AGMO: variants seen among roughly 807,000 people sequenced by gnomAD.
AGMO encodes glyceryl-ether monooxygenase.
AGMO carries 75 observed loss-of-function variants against 60.2 expected under a neutral mutation model. The ratio of observed to expected loss-of-function variants is 1.25; its 90% CI spans 1.03 to 1.51. AGMO has a LOEUF of 1.51. Ranked by LOEUF, AGMO falls within the 40% of genes most tolerant of loss-of-function variation. AGMO has a pLI of 0.00. For missense variants in AGMO, 763 were observed against 525.5 expected (o/e 1.45, Z -4.42); for synonymous variants, 261 against 177.1 (o/e 1.47, Z -3.76).
At position 15,365,537 on chromosome 7, in the gene AGMO, G is replaced by T. The variant is rs369283425; in HGVS notation, c.1240C>A (p.Pro414Thr). ...ACCTCAAAAGCAGATGACAATGAAGGGACAAGAGGCTTCAGGTGACCAAAT... is the reference window on the plus strand; with the variant it reads ...ACCTCAAAAGCAGATGACAATGAAGTGACAAGAGGCTTCAGGTGACCAAAT... ...YRFGHLKPLVPSLSSAFEIVF... is the reference protein window; with the variant it reads ...YRFGHLKPLVTSLSSAFEIVF... The change falls in exon 12 of 13, where the codon CCT (proline) becomes ACT (threonine). Residue 414 changes from proline to threonine, a missense_variant. Transcript: ENST00000342526. 1 of 1,612,472 alleles carries T rather than the reference G, an allele frequency of 6.2e-7. No homozygotes were observed. The highest frequency in any genetic ancestry group is 1.1e-5 in the South Asian group (1 of 90,980).
the AGMO span, among the ~76,000 whole-genome samples, chr7:15,124,559 G>A: frequency 6.6e-6 from 1 of 151,976 alleles, no homozygotes. Flanking sequence ...ATATTCTCCT[G>A]TTGAAAATAT....
At chr7:15,285,360 G>C (rs1031995213) in intron 12 of AGMO, among the ~76,000 whole-genome samples, 1 of 151,790 alleles carries the variant, frequency 6.6e-6, no homozygotes. Context: ...TACTAGATTT[G>C]ATAAATTCAG....
At chr7:15,482,515 G>C (rs1056372007) in intron 3 of AGMO, among the ~76,000 whole-genome samples, 3 of 151,950 alleles carry the variant, frequency 2.0e-5, no homozygotes, top group African/African-American at 7.2e-5. Flanking sequence ...TTAGAAATCA[G>C]CCCCATACTA....
Position 15,307,287 on chromosome 7 carries a change from C to CAA in AGMO, c.1263+58226_1263+58227insTT, listed in dbSNP as rs1417156591. Among the ~76,000 whole-genome samples the CAA allele has an allele frequency of 7.3e-3, 1,108 of 152,026 alleles. 7 individuals carry two copies. Among genetic ancestry groups the CAA allele is most frequent in the African/African-American group, 0.025 (1,039 of 41,492 alleles). On this transcript the variant is annotated intron_variant, in intron 12 of 12. Coordinates refer to ENST00000342526, the MANE Select transcript of AGMO (RefSeq NM_001004320.2). ...ATGACTTGTCTTCAAAAGCCAAGCC[C>CAA]ATCTATTTGGAAGAAACCTTGAATC...
intron 9 of AGMO, among the ~76,000 whole-genome samples, chr7:15,386,902 T>G (rs1005388010): frequency 6.6e-6 from 1 of 152,216 alleles, no homozygotes; most frequent in East Asian, 1.9e-4. Context: ...CAATGTGGTT[T>G]CTGCATTTAA....
intron 12 of AGMO, among the ~76,000 whole-genome samples, chr7:15,280,344 C>T (rs1274183990): frequency 6.6e-6 from 1 of 152,090 alleles, no homozygotes; most frequent in Admixed American, 6.5e-5. Flanking sequence ...ACTCCCTGTG[C>T]CAACACTTCT....
intron 12 of AGMO, among the ~76,000 whole-genome samples, chr7:15,347,574 A>G (rs1782078183): frequency 6.6e-6 from 1 of 151,436 alleles, no homozygotes; most frequent in South Asian, 2.1e-4. Context: ...AAGATAATTC[A>G]TGACTCAAAA....
chr7:15,429,601 T>C (rs963565306), intron 4 of AGMO, among the ~76,000 whole-genome samples: 1 of 152,018 alleles, frequency 6.6e-6, no homozygotes, highest in Non-Finnish European at 1.5e-5. Flanking sequence ...TATCTTCTTA[T>C]GGCAGCTCTA....
chr7:15,352,602 GGGAGCATCTGGAACCAGACATTCT>G (rs1295664406), intron 12 of AGMO, among the ~76,000 whole-genome samples: 3 of 151,858 alleles, frequency 2.0e-5, no homozygotes, highest in Admixed American at 1.3e-4. Flanking sequence ...GTCAATTGGC[GGGAGCATCTGGAACCAGACATTCT>G]GGCCTTGAGT....
chr7:15,290,580 A>T (rs1446457038), intron 12 of AGMO, among the ~76,000 whole-genome samples: 2 of 152,178 alleles, frequency 1.3e-5, no homozygotes, highest in African/African-American at 4.8e-5. Flanking sequence ...CTTGAACATA[A>T]GGAACAGGGA....
At chr7:15,183,139 T>TA in the AGMO span, among the ~76,000 whole-genome samples, 4 of 151,630 alleles carry the variant, frequency 2.6e-5, no homozygotes, top group South Asian at 2.1e-4. Context: ...CTTTTTTTTT[T>TA]TATAATGATG....
chr7:15,240,538 G>C (rs370647552), intron 12 of AGMO, among the ~76,000 whole-genome samples: 1 of 152,072 alleles, frequency 6.6e-6, no homozygotes, highest in African/African-American at 2.4e-5. Flanking sequence ...CTGATCTTTA[G>C]TATCTTTTTA....
the AGMO span, among the ~76,000 whole-genome samples, chr7:15,188,976 T>A: frequency 6.6e-6 from 1 of 152,088 alleles, no homozygotes; most frequent in Non-Finnish European, 1.5e-5. Flanking sequence ...ACTTTTTGAA[T>A]GAAATTTGAG....
intron 3 of AGMO, among the ~76,000 whole-genome samples, chr7:15,500,518 T>C (rs1783355937): frequency 1.3e-5 from 2 of 151,956 alleles, no homozygotes; most frequent in African/African-American, 2.4e-5. Context: ...TGTGTGTACA[T>C]TTTTTGATAT....
chr7:15,378,617 T>C (rs1464757647), intron 10 of AGMO, among the ~76,000 whole-genome samples: 1 of 151,782 alleles, frequency 6.6e-6, no homozygotes, highest in African/African-American at 2.4e-5. Flanking sequence ...ACTACCCCAC[T>C]GACAATATTA....
chr7:15,184,260 GGAGAAAGGGAGGA>G, the AGMO span, among the ~76,000 whole-genome samples: 12 of 146,932 alleles, frequency 8.2e-5, no homozygotes, highest in South Asian at 4.6e-4. Flanking sequence ...AGGGAGGGAG[GGAGAAAGGGAGGA>G]AAGAAAAGGA....
At chr7:15,409,799 A>G (rs1784791505) in intron 5 of AGMO, among the ~76,000 whole-genome samples, 1 of 151,802 alleles carries the variant, frequency 6.6e-6, no homozygotes, top group Admixed American at 6.6e-5. Flanking sequence ...AGTAGATTAG[A>G]GCAAAGAATA....
intron 3 of AGMO, among the ~76,000 whole-genome samples, chr7:15,468,450 T>C (rs1303878492): frequency 1.3e-5 from 2 of 152,144 alleles, no homozygotes; most frequent in South Asian, 2.1e-4. Flanking sequence ...ATATCAATTG[T>C]ATAATTATAT....
At chr7:15,358,568 C>T (rs566069592) in intron 12 of AGMO, 2 of 364,528 alleles carry the variant, frequency 5.5e-6, no homozygotes, top group South Asian at 4.3e-5. Flanking sequence ...ATTTTCTGCA[C>T]TCCAAACTCA....
Sources: gnomAD v4.1 joint callset for allele counts (sites outside exome capture counted in the v4.1 genomes callset) on GRCh38, gnomAD v4.1.1 for gene constraint, MANE v1.5 for transcripts, NCBI Gene and HGNC (gene_info 2026-07-23, HGNC 2026-07-21) for gene names.